CRPPA: variants seen among roughly 807,000 people sequenced by gnomAD.
The protein encoded by CRPPA is CDP-L-ribitol pyrophosphorylase A, also known as D-ribitol-5-phosphate cytidylyltransferase.
Under a neutral mutation model 52.0 loss-of-function variants are expected in CRPPA, and 43 were observed. That is an observed-to-expected ratio of 0.83 (90% CI 0.65 to 1.07). CRPPA has a LOEUF of 1.07. Ranked by LOEUF, CRPPA falls within the 50% of genes least tolerant of loss-of-function variation. The pLI is 0.00. For synonymous variants in CRPPA, 250 were observed against 203.5 expected, an observed-to-expected ratio of 1.23 and a Z score of -1.94; for missense variants, 629 against 551.7, an observed-to-expected ratio of 1.14 and a Z score of -1.40.
In CRPPA at chr7:16,221,974, C is replaced by T. The variant is rs1412006734; in HGVS notation, c.1120-5777G>A. ...CATACCCAAAGGACTATAAATCTTG[C>T]TGCTATAAAGACACATGCACACGTA... is the stretch of plus-strand genomic sequence containing the variant. On this transcript the variant is annotated intron_variant, in intron 8 of 9. Coordinates refer to ENST00000407010, the MANE Select transcript of CRPPA (RefSeq NM_001101426.4). Among the ~76,000 whole-genome samples, 19 of 151,368 alleles carry T rather than the reference C, an allele frequency of 1.3e-4. No individual in the cohort carries two copies. The South Asian group carries it at 3.4e-3, about 27-fold the overall frequency.
chr7:16,210,798 G>T (rs1039228219), intron 9 of CRPPA, among the ~76,000 whole-genome samples: 1 of 151,878 alleles, frequency 6.6e-6, no homozygotes, highest in African/African-American at 2.4e-5. Flanking sequence ...TTAAGTTAGA[G>T]GATGCTTCTC....
At chr7:16,398,169 A>C (rs531114284) in intron 2 of CRPPA, among the ~76,000 whole-genome samples, 2 of 152,142 alleles carry the variant, frequency 1.3e-5, no homozygotes, top group African/African-American at 4.8e-5. Flanking sequence ...CACAATTGAC[A>C]CATGATCGGC....
intron 8 of CRPPA, among the ~76,000 whole-genome samples, chr7:16,221,317 C>T (rs1351360108): frequency 9.2e-5 from 14 of 152,016 alleles, no homozygotes; most frequent in Non-Finnish European, 8.8e-5. Flanking sequence ...AAGACTTAAA[C>T]GTTAGACCTA....
At chr7:16,396,539 G>T (rs570067369) in intron 2 of CRPPA, among the ~76,000 whole-genome samples, 2 of 152,292 alleles carry the variant, frequency 1.3e-5, no homozygotes, top group African/African-American at 4.8e-5. Context: ...TCTAAAAGTA[G>T]AACTACCATT....
intron 9 of CRPPA, among the ~76,000 whole-genome samples, chr7:16,120,293 A>G (rs887277628): frequency 2.6e-5 from 4 of 152,084 alleles, no homozygotes; most frequent in African/African-American, 9.7e-5. Flanking sequence ...TGTCTTATCA[A>G]CCTCAATATC....
Position 16,421,357 on chromosome 7 carries a change from G to C in CRPPA, c.-35C>G, listed in dbSNP as rs1788335314. 5.7e-6 allele frequency: 7 copies of C among 1,228,294 alleles called. No individual in the cohort carries two copies. Among genetic ancestry groups the C allele is most frequent in the Admixed American group, 4.3e-5 (1 of 23,248 alleles). The allele number at this position is 1,228,294 out of a possible 1,614,324, so 76.1% of individuals were successfully genotyped here. A position where few individuals can be genotyped will look rare whatever the true frequency, so the allele number is the denominator to read the frequency against. ...CGGAACGGCGAGCCCCGCTAGCCTC[G>C]GGCCGATGCGACCCCGCGCTGCTCC... On this transcript the variant is annotated 5_prime_UTR_variant, in exon 1 of 10. Transcript: ENST00000407010.
chr7:16,169,219 A>T (rs1028963221), intron 9 of CRPPA, among the ~76,000 whole-genome samples: 1 of 152,224 alleles, frequency 6.6e-6, no homozygotes, highest in African/African-American at 2.4e-5. Context: ...ATAAAAGGTA[A>T]GATATAATTA....
chr7:16,183,141 A>G (rs1278162750), intron 9 of CRPPA, among the ~76,000 whole-genome samples: 3 of 152,198 alleles, frequency 2.0e-5, no homozygotes, highest in South Asian at 2.1e-4. Context: ...TCACATGTCA[A>G]TAAGTGGTAG....
At chr7:16,252,044 C>A (rs1000076048) in intron 8 of CRPPA, among the ~76,000 whole-genome samples, 3 of 151,280 alleles carry the variant, frequency 2.0e-5, no homozygotes, top group African/African-American at 7.3e-5. Context: ...TGATAGAGAG[C>A]ATATCACGAC....
At chr7:16,182,771 A>G (rs1384912153) in intron 9 of CRPPA, among the ~76,000 whole-genome samples, 1 of 152,206 alleles carries the variant, frequency 6.6e-6, no homozygotes, top group Non-Finnish European at 1.5e-5. Flanking sequence ...AAGTTTAATT[A>G]TGACTTGTGC....
intron 2 of CRPPA, among the ~76,000 whole-genome samples, chr7:16,385,894 C>T (rs751906079): frequency 7.0e-4 from 106 of 152,252 alleles, no homozygotes; most frequent in Middle Eastern, 6.8e-3. Context: ...CCAGAGCGAG[C>T]GCTTTTGGGC....
Position 16,272,008 on chromosome 7 carries a change from T to C in CRPPA, c.933+6121A>G, listed in dbSNP as rs891610362. Among the ~76,000 whole-genome samples, 18 of 152,290 alleles carry C rather than the reference T, an allele frequency of 1.2e-4. 1 individual carries two copies. In the South Asian group the frequency reaches 1.2e-3, roughly 11 times the overall value. On this transcript the variant is annotated intron_variant, in intron 6 of 9. Transcript: ENST00000407010. ...ACTACCTTCAGTTCAGTATATAGTA[T>C]AAACTATTTTTGGATATTTACTGAA...
intron 3 of CRPPA, among the ~76,000 whole-genome samples, chr7:16,317,529 A>G (rs556935389): frequency 5.3e-5 from 8 of 152,238 alleles, no homozygotes; most frequent in East Asian, 3.9e-4. Context: ...TTTTTCTTAT[A>G]TCTAATGTCC....
At position 16,308,537 on chromosome 7, in the gene CRPPA, G is replaced by T. The variant is rs1310182624; in HGVS notation, c.775C>A (p.Pro259Thr). 7 of 1,598,016 alleles carry T rather than the reference G, an allele frequency of 4.4e-6. No homozygotes were observed. The highest frequency in any genetic ancestry group is 6.0e-6 in the Non-Finnish European group (7 of 1,167,412). Residue 259 changes from proline (P) to threonine (T), a missense_variant, in exon 4 of 10, where the codon CCT (proline) becomes ACT (threonine). Coordinates refer to ENST00000407010, the MANE Select transcript of CRPPA (RefSeq NM_001101426.4). ...ATCCCTCTTACCTTCCAGAGGTCAGGTGATCCTTCTACAAGTTTGGCTTTA... is the reference window on the plus strand; with the variant it reads ...ATCCCTCTTACCTTCCAGAGGTCAGTTGATCCTTCTACAAGTTTGGCTTTA... ...CTKAKLVEGS[P>T]DLWKVTYKRD...
At chr7:16,253,548 G>A (rs1013095397) in intron 8 of CRPPA, among the ~76,000 whole-genome samples, 6 of 152,192 alleles carry the variant, frequency 3.9e-5, no homozygotes, top group Non-Finnish European at 5.9e-5. Context: ...TTTGGAATAA[G>A]TGTGATGTGG....
At chr7:16,311,051 G>A (rs1298323793) in intron 3 of CRPPA, among the ~76,000 whole-genome samples, 1 of 152,002 alleles carries the variant, frequency 6.6e-6, no homozygotes. Context: ...TAGGTTCATA[G>A]CAAAATGGAG....
At chr7:16,244,865 C>G (rs1470637158) in intron 8 of CRPPA, among the ~76,000 whole-genome samples, 2 of 152,156 alleles carry the variant, frequency 1.3e-5, no homozygotes, top group East Asian at 3.8e-4. Context: ...AATAAATGCA[C>G]TGAATATCTG....
intron 9 of CRPPA, among the ~76,000 whole-genome samples, chr7:16,179,805 G>A (rs1781375588): frequency 6.6e-6 from 1 of 152,090 alleles, no homozygotes; most frequent in Admixed American, 6.6e-5. Context: ...ACACCCAAGG[G>A]TGTCTGCAGA....
intron 5 of CRPPA, among the ~76,000 whole-genome samples, chr7:16,280,861 A>C (rs1784306534): frequency 6.6e-6 from 1 of 152,092 alleles, no homozygotes; most frequent in South Asian, 2.1e-4. Flanking sequence ...CTCTATTAAA[A>C]ATACAAAAAT....
Sources: gnomAD v4.1 joint callset for allele counts (sites outside exome capture counted in the v4.1 genomes callset) on GRCh38, gnomAD v4.1.1 for gene constraint, MANE v1.5 for transcripts, NCBI Gene and HGNC (gene_info 2026-07-23, HGNC 2026-07-21) for gene names.